Variants in TP53TG5 observed in about 807,000 individuals in gnomAD.
TP53TG5 encodes the protein TP53 target 5.
TP53TG5 carries 17 observed loss-of-function variants against 30.0 expected under a neutral mutation model. The ratio of observed to expected loss-of-function variants is 0.57; its 90% CI spans 0.39 to 0.85. TP53TG5 has a LOEUF of 0.85. Ranked by LOEUF, TP53TG5 falls within the 40% of genes least tolerant of loss-of-function variation. The probability of loss-of-function intolerance (pLI) is 0.00; values close to 1 mark genes in which losing one functional copy is unlikely to be tolerated. For synonymous variants in TP53TG5, 137 were observed against 139.2 expected, an observed-to-expected ratio of 0.98 and a Z score of 0.11; for missense variants, 338 against 367.9, an observed-to-expected ratio of 0.92 and a Z score of 0.67.
intron 4 of TP53TG5, chr20:45,374,539 T>C: frequency 1.9e-6 from 1 of 522,968 alleles, no homozygotes; most frequent in Non-Finnish European, 3.3e-6. Flanking sequence ...CCCAAGGTGC[T>C]GGGATTACAG....
chr20:45,374,324 G>A (rs944837880), intron 4 of TP53TG5: 1 of 687,696 alleles, frequency 1.5e-6, no homozygotes. Flanking sequence ...CCAGGCTGGA[G>A]TGCAGTGGCG....
rs188416489 is a variant in TP53TG5 at position 45,374,299 on chromosome 20, G to T, written c.769-288C>A. The T allele has an allele frequency of 2.0e-5, 14 of 696,872 alleles. No homozygotes were observed. In the East Asian group the frequency reaches 2.4e-4, roughly 12 times the overall value. The allele number at this position is 696,872 out of a possible 1,614,324, so 43.2% of individuals were successfully genotyped here. A position where few individuals can be genotyped will look rare whatever the true frequency, so the allele number is the denominator to read the frequency against. On this transcript the variant is annotated intron_variant, in intron 4 of 4. Transcript: ENST00000372726. ...TTCCTTTCTTTTTTTTTAAGACAGGGTCTTGCTCTCTTGCCCAGGCTGGAG... is the reference window on the plus strand; with the variant it reads ...TTCCTTTCTTTTTTTTTAAGACAGGTTCTTGCTCTCTTGCCCAGGCTGGAG...
chr20:45,375,611 A>G, intron 3 of TP53TG5, 59 bp from the exon 4 acceptor site: 3 of 1,545,218 alleles, frequency 1.9e-6, no homozygotes, highest in Non-Finnish European at 2.6e-6. Context: ...TTCCCGAGAC[A>G]GTTGCTATGT....
In TP53TG5 at chr20:45,375,055, A is replaced by G. The variant is rs1988682595; in HGVS notation, c.752T>C (p.Met251Thr). The G allele has an allele frequency of 5.6e-6, 9 of 1,613,874 alleles. No individual in the cohort carries two copies. The highest frequency in any genetic ancestry group is 7.6e-6 in the Non-Finnish European group (9 of 1,179,796). The change falls in exon 4 of 5, where the codon ATG becomes ACG. Residue 251 changes from methionine to threonine, a missense_variant. Met to Thr is a moderately conservative substitution (Grantham distance 81). Coordinates refer to ENST00000372726, the MANE Select transcript of TP53TG5 (RefSeq NM_014477.3). Reference protein sequence around the residue: ...RFCSASLEMPMWHPYKVDVTW... With the variant: ...RFCSASLEMPTWHPYKVDVTW... Reference sequence around the variant, plus strand: ...CACACCCACCTTGTATGGATGCCACATAGGCATTTCAAGTGATGCGGAGCA... The same window carrying G: ...CACACCCACCTTGTATGGATGCCACGTAGGCATTTCAAGTGATGCGGAGCA...
At chr20:45,374,290 T>A (rs1194239798) in intron 4 of TP53TG5, 1 of 697,720 alleles carries the variant, frequency 1.4e-6, no homozygotes, top group Non-Finnish European at 2.6e-6. Flanking sequence ...TCTTTTTTTT[T>A]AAGACAGGGT....
rs1555870278 is a variant in TP53TG5 at position 45,373,639 on chromosome 20, G to T, written c.*268C>A. 2 of 493,780 alleles carry T rather than the reference G, an allele frequency of 4.1e-6. No homozygotes were observed. The highest frequency in any genetic ancestry group is 7.4e-6 in the Non-Finnish European group (2 of 272,044). 30.6% of individuals were successfully genotyped at this position (493,780 alleles called of 1,614,324 possible). Reference sequence around the variant, plus strand: ...TCTTGCGAGCTCGCGGGGCGATTGTGAGGCACTTTGCACCCAGGAAGCACA... The same window carrying T: ...TCTTGCGAGCTCGCGGGGCGATTGTTAGGCACTTTGCACCCAGGAAGCACA... On this transcript the variant is annotated 3_prime_UTR_variant, in exon 5 of 5. Transcript: ENST00000372726.
Position 45,373,789 on chromosome 20 carries a change from G to A in TP53TG5, c.*118C>T. The A allele has an allele frequency of 1.0e-6, 1 of 956,510 alleles. No homozygotes were observed. The highest frequency in any genetic ancestry group is 1.6e-6 in the Non-Finnish European group (1 of 614,688). 59.3% of individuals were successfully genotyped at this position (956,510 alleles called of 1,614,324 possible). On this transcript the variant is annotated 3_prime_UTR_variant, in exon 5 of 5. Transcript: ENST00000372726. ...TAGGGGCCTCGGGGTGGGGGTGGGG[G>A]AAGCCTGAAGTCGCGACACAGGCTC...
chr20:45,378,067 TCCCTTCA>T, intron 1 of TP53TG5, 115 bp downstream of exon 1: 1 of 1,362,664 alleles, frequency 7.3e-7, no homozygotes, highest in Admixed American at 1.8e-5. Flanking sequence ...TCTCCTGACC[TCCCTTCA>T]CCCTTCACCT....
At chr20:45,377,510 C>T (rs1252359436) in intron 2 of TP53TG5, 29 bp downstream of exon 2, 1 of 1,613,280 alleles carries the variant, frequency 6.2e-7, no homozygotes, top group East Asian at 2.2e-5. Context: ...TGAGCTTCCC[C>T]AAGCTGGGGC....
chr20:45,377,360 C>G lies in TP53TG5; in HGVS notation c.124-18G>C. 6.2e-7 allele frequency: 1 copy of G among 1,613,858 alleles called. No individual in the cohort carries two copies. Among genetic ancestry groups the G allele is most frequent in the Non-Finnish European group, 8.5e-7 (1 of 1,179,996 alleles). On this transcript the variant is annotated intron_variant, in intron 2 of 4. Coordinates refer to ENST00000372726, the MANE Select transcript of TP53TG5 (RefSeq NM_014477.3). ...TTTAACACCTGCCAGGGTCAAGAAA[C>G]CAGGTAAATAGAAGCTTCAGCTTTC...
In TP53TG5 at chr20:45,378,293, C is replaced by T; in HGVS notation, c.-57G>A. On this transcript the variant is annotated 5_prime_UTR_variant, in exon 1 of 5. Coordinates refer to ENST00000372726, the MANE Select transcript of TP53TG5 (RefSeq NM_014477.3). ...AGCAACACCAGTGCCAGGCACCAAC[C>T]CTGTTCCTCTCAGTTCAGCCAGCAC... The T allele has an allele frequency of 6.2e-7, 1 of 1,612,460 alleles. No individual in the cohort carries two copies. The highest frequency in any genetic ancestry group is 2.2e-5 in the East Asian group (1 of 44,848).
chr20:45,378,163 C>A, intron 1 of TP53TG5, 26 bp downstream of exon 1: 1 of 1,614,000 alleles, frequency 6.2e-7, no homozygotes, highest in South Asian at 1.1e-5. Context: ...AGGGACTCAC[C>A]CCCAGGGTCT....
At position 45,375,267 on chromosome 20, in the gene TP53TG5, C is replaced by G. The variant is rs750707623; in HGVS notation, c.540G>C (p.Glu180Asp). The G allele has an allele frequency of 5.0e-6, 8 of 1,614,070 alleles. No homozygotes were observed. The highest frequency in any genetic ancestry group is 6.8e-6 in the Non-Finnish European group (8 of 1,180,030). Residue 180 changes from glutamate to aspartate, a missense_variant, in exon 4 of 5, where the codon GAG (glutamate) becomes GAC (aspartate). Glu to Asp is a conservative substitution (Grantham distance 45). Transcript: ENST00000372726. ...PGVQGRQPLT[E>D]GPRVIFIKPY... ...GCTTAATGAAGATGACTCGGGGGCC[C>G]TCGGTGAGTGGTTGCCTCCCCTGGA...
intron 3 of TP53TG5, chr20:45,376,765 A>AT (rs1263362544): frequency 1.3e-5 from 2 of 152,204 alleles, no homozygotes; most frequent in Admixed American, 6.5e-5. Context: ...GCATGGTAAA[A>AT]AAAAATAAAA....
At chr20:45,377,994 C>G (rs557070344) in intron 1 of TP53TG5, among the ~76,000 whole-genome samples, 195 bp downstream of exon 1, 1 of 152,288 alleles carries the variant, frequency 6.6e-6, no homozygotes, top group South Asian at 2.1e-4. Context: ...CATGGTTTGA[C>G]CAATCCTAGG....
At chr20:45,374,422 G>A in intron 4 of TP53TG5, 1 of 581,238 alleles carries the variant, frequency 1.7e-6, no homozygotes, top group African/African-American at 1.9e-5. Context: ...CAAGCGCAAG[G>A]CACCACATCT....
Position 45,373,685 on chromosome 20 carries a change from A to G in TP53TG5, c.*222T>C. On this transcript the variant is annotated 3_prime_UTR_variant, in exon 5 of 5. Coordinates refer to ENST00000372726, the MANE Select transcript of TP53TG5 (RefSeq NM_014477.3). Reference sequence around the variant, plus strand: ...GCACACGAGCGCCCTGACTTCACAGAGCGCGCCACTCAGGAGACTAGCTCG... The same window carrying G: ...GCACACGAGCGCCCTGACTTCACAGGGCGCGCCACTCAGGAGACTAGCTCG... 1 of 569,098 alleles carries G rather than the reference A, an allele frequency of 1.8e-6. No homozygotes were observed. The highest frequency in any genetic ancestry group is 1.9e-5 in the African/African-American group (1 of 51,820). 35.3% of individuals were successfully genotyped at this position (569,098 alleles called of 1,614,324 possible). A position where few individuals can be genotyped will look rare whatever the true frequency, so the allele number is the denominator to read the frequency against.
At chr20:45,374,135 A>C (rs1237217678) in intron 4 of TP53TG5, 124 bp from the exon 5 acceptor site, 1 of 857,848 alleles carries the variant, frequency 1.2e-6, no homozygotes, top group Non-Finnish European at 1.9e-6. Flanking sequence ...CTTTGCTAAA[A>C]AGGAAAAGCC....
intron 1 of TP53TG5, among the ~76,000 whole-genome samples, chr20:45,377,983 G>A (rs1298192552): frequency 6.6e-6 from 1 of 152,194 alleles, no homozygotes; most frequent in African/African-American, 2.4e-5. Flanking sequence ...ATTTGGCTGA[G>A]CATGGTTTGA....
Sources: allele counts gnomAD v4.1 joint callset (sites outside exome capture counted in the v4.1 genomes callset), GRCh38; gene constraint gnomAD v4.1.1; transcripts MANE v1.5; gene names NCBI Gene and HGNC (gene_info 2026-07-23, HGNC 2026-07-21).